Variants in INPP4B observed in about 807,000 individuals in gnomAD.
INPP4B encodes the protein inositol polyphosphate 4-phosphatase type II.
In INPP4B, 55 loss-of-function variants were observed where a neutral mutation model predicts 122.5. The ratio of observed to expected loss-of-function variants is 0.45; its 90% CI spans 0.36 to 0.56. The LOEUF is 0.56. Among genes scored for constraint, INPP4B ranks in the 20% least tolerant of loss-of-function variants. The probability of loss-of-function intolerance (pLI) is 0.00; values close to 1 mark genes in which losing one functional copy is unlikely to be tolerated. For synonymous variants in INPP4B, 403 were observed against 388.7 expected, an observed-to-expected ratio of 1.04 and a Z score of -0.43; for missense variants, 1,000 against 1,097.7, an observed-to-expected ratio of 0.91 and a Z score of 1.26.
intron 2 of INPP4B, among the ~76,000 whole-genome samples, chr4:142,515,992 A>G (rs1560745451): frequency 6.6e-6 from 1 of 152,156 alleles, no homozygotes; most frequent in Non-Finnish European, 1.5e-5. Context: ...GCTGCTCCTG[A>G]AGGGATTCAT....
rs1392050196 is a variant in INPP4B, at chr4:142,256,204, AGT to A, written c.688+4286_688+4287del. Reference sequence around the variant, plus strand: ...AGAATCTCTGGGATGCATTCAAAGCAGTGTGTAGAGGGAAATTTATAGCACTA... The same window carrying A: ...AGAATCTCTGGGATGCATTCAAAGCAGTGTAGAGGGAAATTTATAGCACTA... On this transcript the variant is annotated intron_variant, in intron 11 of 25. Transcript: ENST00000262992. 4.4e-3 allele frequency among the ~76,000 whole-genome samples: 663 copies of A among 151,458 alleles called. 9 individuals carry two copies. Among genetic ancestry groups the A allele is most frequent in the African/African-American group, 0.015 (618 of 41,326 alleles).
intron 1 of INPP4B, among the ~76,000 whole-genome samples, chr4:142,773,043 A>T (rs1773332285): frequency 6.6e-6 from 1 of 151,824 alleles, no homozygotes; most frequent in Non-Finnish European, 1.5e-5. Context: ...AACTTTGTCT[A>T]AAAAAAAGTT....
At chr4:142,059,825 C>T (rs979859668) in intron 25 of INPP4B, among the ~76,000 whole-genome samples, 1 of 152,144 alleles carries the variant, frequency 6.6e-6, no homozygotes, top group Non-Finnish European at 1.5e-5. Flanking sequence ...CATGCCAGTT[C>T]ACTTTCCAAT....
At chr4:142,450,984 C>T (rs535121361) in intron 3 of INPP4B, among the ~76,000 whole-genome samples, 3 of 150,810 alleles carry the variant, frequency 2.0e-5, no homozygotes, top group African/African-American at 7.3e-5. Context: ...CTCCCCCCCC[C>T]AAAAAAAGTA....
intron 2 of INPP4B, among the ~76,000 whole-genome samples, chr4:142,675,900 G>A (rs919804462): frequency 1.3e-5 from 2 of 152,066 alleles, no homozygotes; most frequent in Admixed American, 1.3e-4. Flanking sequence ...ATATTGAATG[G>A]GCAAAAACTG....
chr4:142,736,545 A>T (rs1766932814), intron 1 of INPP4B, among the ~76,000 whole-genome samples: 1 of 152,052 alleles, frequency 6.6e-6, no homozygotes, highest in Admixed American at 6.6e-5. Flanking sequence ...TAGGTATTTT[A>T]TTCTCTTTGA....
At chr4:142,626,240 C>G (rs1746363463) in intron 2 of INPP4B, among the ~76,000 whole-genome samples, 1 of 152,070 alleles carries the variant, frequency 6.6e-6, no homozygotes, top group Non-Finnish European at 1.5e-5. Context: ...GAACTGTGAA[C>G]ATGATGGACT....
At chr4:142,307,953 C>T (rs374821283) in intron 8 of INPP4B, among the ~76,000 whole-genome samples, 1 of 91,884 alleles carries the variant, frequency 1.1e-5, no homozygotes, top group African/African-American at 3.4e-5. Flanking sequence ...AATGTAGCAG[C>T]TAGAGACAGG....
chr4:142,311,109 T>G (rs1765354563), intron 8 of INPP4B, among the ~76,000 whole-genome samples: 1 of 152,156 alleles, frequency 6.6e-6, no homozygotes, highest in Non-Finnish European at 1.5e-5. Context: ...GACAGAGCCA[T>G]TACTGGCTCT....
At chr4:142,344,262 G>A (rs1456193702) in intron 7 of INPP4B, among the ~76,000 whole-genome samples, 2 of 152,062 alleles carry the variant, frequency 1.3e-5, no homozygotes, top group South Asian at 2.1e-4. Flanking sequence ...GTAGCCAGAT[G>A]CAGGCTGTTA....
At chr4:142,483,807 A>C (rs1316012600) in intron 2 of INPP4B, among the ~76,000 whole-genome samples, 1 of 152,058 alleles carries the variant, frequency 6.6e-6, no homozygotes. Context: ...ATATTAAAGG[A>C]AAATGTGATA....
At chr4:142,404,561 A>C (rs1802689032) in intron 6 of INPP4B, among the ~76,000 whole-genome samples, 1 of 152,210 alleles carries the variant, frequency 6.6e-6, no homozygotes, top group Non-Finnish European at 1.5e-5. Flanking sequence ...GACATTTTGA[A>C]TGTTATATTA....
At chr4:142,609,338 C>T (rs1168518189) in intron 2 of INPP4B, among the ~76,000 whole-genome samples, 1 of 151,660 alleles carries the variant, frequency 6.6e-6, no homozygotes, top group African/African-American at 2.4e-5. Flanking sequence ...ATTCATCAGC[C>T]AAAATCAATT....
intron 2 of INPP4B, among the ~76,000 whole-genome samples, chr4:142,666,657 A>ATG (rs371769449): frequency 4.4e-4 from 66 of 150,382 alleles, no homozygotes; most frequent in African/African-American, 8.5e-4. Flanking sequence ...GTGTGTGCAC[A>ATG]TGTGTGTGTG....
intron 7 of INPP4B, among the ~76,000 whole-genome samples, chr4:142,355,785 CAGCTTATCAG>C (rs1345869046): frequency 6.6e-6 from 1 of 151,888 alleles, no homozygotes; most frequent in East Asian, 1.9e-4. Context: ...TGAAGCAATT[CAGCTTATCAG>C]AGCATGAGAT....
intron 1 of INPP4B, among the ~76,000 whole-genome samples, chr4:142,743,530 G>A (rs867634197): frequency 1.3e-5 from 2 of 151,876 alleles, no homozygotes; most frequent in South Asian, 2.1e-4. Context: ...AGAGATGTTA[G>A]AGAAATTAGA....
intron 1 of INPP4B, among the ~76,000 whole-genome samples, chr4:142,775,027 T>C (rs1237511322): frequency 6.6e-6 from 1 of 152,116 alleles, no homozygotes; most frequent in African/African-American, 2.4e-5. Flanking sequence ...ACTGGTCAAG[T>C]ATTTTGTAGA....
At chr4:142,372,331 A>T (rs1197689514) in intron 7 of INPP4B, among the ~76,000 whole-genome samples, 1 of 152,104 alleles carries the variant, frequency 6.6e-6, no homozygotes, top group Non-Finnish European at 1.5e-5. Context: ...GGAATTAGTT[A>T]TAGTGTTCAA....
At chr4:142,832,235 T>C (rs1483428571) in intron 1 of INPP4B, among the ~76,000 whole-genome samples, 1 of 152,180 alleles carries the variant, frequency 6.6e-6, no homozygotes, top group Non-Finnish European at 1.5e-5. Flanking sequence ...ATGAAGCATA[T>C]TGGGTTCCAA....
Sources: gnomAD v4.1 joint callset for allele counts (sites outside exome capture counted in the v4.1 genomes callset) on GRCh38, gnomAD v4.1.1 for gene constraint, MANE v1.5 for transcripts, NCBI Gene and HGNC (gene_info 2026-07-23, HGNC 2026-07-21) for gene names.